The following RAD52 variants were observed in gnomAD, a reference collection of about 807,000 sequenced individuals.
RAD52 encodes DNA repair protein RAD52 homolog.
In RAD52, 47 loss-of-function variants were observed where a neutral mutation model predicts 55.5. The ratio of observed to expected loss-of-function variants is 0.85; its 90% CI spans 0.67 to 1.08. The LOEUF is 1.08. Among genes scored for constraint, RAD52 ranks in the 50% least tolerant of loss-of-function variants. The probability of loss-of-function intolerance (pLI) is 0.00; values close to 1 mark genes in which losing one functional copy is unlikely to be tolerated. For missense variants in RAD52, 468 were observed against 522.8 expected, an observed-to-expected ratio of 0.90 and a Z score of 1.02; for synonymous variants, 184 against 198.9, an observed-to-expected ratio of 0.92 and a Z score of 0.63.
At chr12:979,764 T>G (rs1202149072) in intron 1 of RAD52, among the ~76,000 whole-genome samples, 1 of 152,042 alleles carries the variant, frequency 6.6e-6, no homozygotes, top group Non-Finnish European at 1.5e-5. Flanking sequence ...ATGGCAGCTC[T>G]TGGCCGGGTG....
intron 1 of RAD52, among the ~76,000 whole-genome samples, chr12:962,020 T>C (rs1398141830): frequency 6.6e-6 from 1 of 152,182 alleles, no homozygotes; most frequent in Non-Finnish European, 1.5e-5. Flanking sequence ...TGCTGACACC[T>C]TGATCTTAGA....
chr12:965,828 A>AGGTGC (rs1472577740), intron 1 of RAD52, among the ~76,000 whole-genome samples: 2 of 151,786 alleles, frequency 1.3e-5, no homozygotes, highest in Admixed American at 1.3e-4. Context: ...CTGGGATTAC[A>AGGTGC]CATATGCACC....
rs1364958450 is a variant in RAD52, at chr12:926,797, T to G, written c.467+348A>C. ...GTGTAACTACGTTAACTATGCTACC[T>G]GTGCGTAGCGGAGGACTGCTGAGGA... On this transcript the variant is annotated intron_variant, in intron 6 of 11. Coordinates refer to ENST00000358495, the MANE Select transcript of RAD52 (RefSeq NM_134424.4). The G allele has an allele frequency of 2.6e-6, 4 of 1,536,158 alleles. No homozygotes were observed. In the Admixed American group the frequency reaches 7.9e-5, roughly 30 times the overall value.
intron 1 of RAD52, among the ~76,000 whole-genome samples, chr12:982,140 C>A (rs1026187463): frequency 1.3e-5 from 2 of 152,224 alleles, no homozygotes; most frequent in Non-Finnish European, 2.9e-5. Context: ...GTGTTCACAG[C>A]CAGATAACTC....
chr12:936,173 G>A lies in RAD52; in HGVS notation c.-18-3097C>T, dbSNP rs567677213. 1.6e-4 allele frequency among the ~76,000 whole-genome samples: 25 copies of A among 151,828 alleles called. No homozygotes were observed. In the South Asian group the frequency reaches 3.7e-3, roughly 23 times the overall value. ...ACAAAACTTAGCCAGATGCAGTGGC[G>A]CGTGCCTGTAGTCCCAGCTACTCGG... On this transcript the variant is annotated intron_variant, in intron 1 of 11. Transcript: ENST00000358495.
At chr12:979,640 A>G (rs1958984042) in intron 1 of RAD52, among the ~76,000 whole-genome samples, 1 of 152,206 alleles carries the variant, frequency 6.6e-6, no homozygotes, top group African/African-American at 2.4e-5. Flanking sequence ...AATCAGGAAG[A>G]GAGGCCTCAC....
At chr12:962,209 G>A (rs1958695391) in intron 1 of RAD52, among the ~76,000 whole-genome samples, 1 of 152,116 alleles carries the variant, frequency 6.6e-6, no homozygotes, top group Non-Finnish European at 1.5e-5. Flanking sequence ...AAATAAAGAT[G>A]GAGAAGTGAC....
intron 1 of RAD52, among the ~76,000 whole-genome samples, chr12:972,634 C>T (rs1427315613): frequency 1.3e-5 from 2 of 151,942 alleles, no homozygotes; most frequent in East Asian, 1.9e-4. Context: ...GGCGTGGTGG[C>T]GGACGCCTGT....
At chr12:923,994 G>A (rs959022880) in intron 7 of RAD52, among the ~76,000 whole-genome samples, 7 of 151,702 alleles carry the variant, frequency 4.6e-5, no homozygotes, top group Non-Finnish European at 7.4e-5. Context: ...GGGAGGCAGA[G>A]GTTGCAGTGA....
intron 5 of RAD52, among the ~76,000 whole-genome samples, chr12:928,092 T>C (rs1957136181): frequency 6.6e-6 from 1 of 152,170 alleles, no homozygotes; most frequent in African/African-American, 2.4e-5. Context: ...CAGAAAGCAC[T>C]CAAATAAATG....
In RAD52 at chr12:958,627, T is replaced by TA. The variant is rs1273577048; in HGVS notation, c.-18-25552dup. ...GAACATGCAGAACCAGTGCTGTTGTTACAGCCATTTTTGGAAAATGCTGCT... is the reference window on the plus strand; with the variant it reads ...GAACATGCAGAACCAGTGCTGTTGTTAACAGCCATTTTTGGAAAATGCTGCT... On this transcript the variant is annotated intron_variant, in intron 1 of 11. Transcript: ENST00000430095. 2.0e-5 allele frequency among the ~76,000 whole-genome samples: 3 copies of TA among 152,224 alleles called. No homozygotes were observed. The East Asian group carries it at 5.8e-4, about 29-fold the overall frequency.
chr12:943,877 A>C (rs896046726), intron 1 of RAD52, among the ~76,000 whole-genome samples: 1 of 151,520 alleles, frequency 6.6e-6, no homozygotes. Context: ...TATTCTTCTC[A>C]TCTTCTTCCA....
At chr12:986,881 T>G (rs558201746) in intron 1 of RAD52, among the ~76,000 whole-genome samples, 1 of 152,134 alleles carries the variant, frequency 6.6e-6, no homozygotes, top group Admixed American at 6.5e-5. Context: ...ACTGTTTTCC[T>G]GAATTGGATC....
At chr12:978,375 A>G (rs895125981) in intron 1 of RAD52, among the ~76,000 whole-genome samples, 1 of 152,250 alleles carries the variant, frequency 6.6e-6, no homozygotes, top group Non-Finnish European at 1.5e-5. Flanking sequence ...TAAACTACAT[A>G]CAATTAAGGA....
chr12:930,097 C>T lies in RAD52; in HGVS notation c.234G>A (p.Met78Ile), dbSNP rs2154113982. 6.2e-7 allele frequency: 1 copy of T among 1,613,962 alleles called. No homozygotes were observed. The highest frequency in any genetic ancestry group is 2.2e-5 in the East Asian group (1 of 44,868). ...GHRVINLANE[M>I]FGYNGWAHSI... ...AGTGTGCCCAGCCATTGTAACCAAA[C>T]ATCTCATTGGCCAGATTAATTACCC... The change falls in exon 4 of 12, where the codon ATG becomes ATA. Residue 78 changes from methionine to isoleucine, a missense_variant. Transcript: ENST00000358495.
At chr12:969,870 A>G (rs1027899965) in intron 1 of RAD52, among the ~76,000 whole-genome samples, 17 of 151,966 alleles carry the variant, frequency 1.1e-4, no homozygotes, top group African/African-American at 3.9e-4. Flanking sequence ...AAATGAAGAA[A>G]CTATGTAAAG....
chr12:959,594 A>G (rs1958656704), intron 1 of RAD52, among the ~76,000 whole-genome samples: 1 of 152,208 alleles, frequency 6.6e-6, no homozygotes, highest in Admixed American at 6.5e-5. Flanking sequence ...CGTACATTTA[A>G]ATTTTCAAAA....
At chr12:954,136 GTTTT>G (rs1422962968), upstream of RAD52, among the ~76,000 whole-genome samples, 2 of 152,200 alleles carry the variant, frequency 1.3e-5, no homozygotes, top group Admixed American at 6.5e-5. Context: ...TGGTTTTCTG[GTTTT>G]TTAATTGGCT....
At chr12:923,461 G>A (rs564513420) in intron 7 of RAD52, among the ~76,000 whole-genome samples, 62 of 151,762 alleles carry the variant, frequency 4.1e-4, no homozygotes, top group African/African-American at 1.3e-3. Context: ...GAGGCAGGAG[G>A]ATCCAGGAGG....
Sources: allele counts gnomAD v4.1 joint callset (sites outside exome capture counted in the v4.1 genomes callset), GRCh38; gene constraint gnomAD v4.1.1; transcripts MANE v1.5; gene names NCBI Gene and HGNC (gene_info 2026-07-23, HGNC 2026-07-21).